FANCC: variants seen among roughly 807,000 people sequenced by gnomAD.
FANCC encodes the protein Fanconi anemia group C protein.
A neutral mutation model predicts 71.3 loss-of-function variants in FANCC; 55 were observed. The ratio of observed to expected loss-of-function variants is 0.77; its 90% CI spans 0.62 to 0.97. The LOEUF (loss-of-function observed/expected upper bound fraction) is 0.97, where lower values mean the gene tolerates loss of function less well. Ranked by LOEUF, FANCC falls within the 50% of genes least tolerant of loss-of-function variation. FANCC has a pLI of 0.00. For synonymous variants in FANCC, 275 were observed against 244.9 expected, an observed-to-expected ratio of 1.12 and a Z score of -1.15; for missense variants, 678 against 670.9, an observed-to-expected ratio of 1.01 and a Z score of -0.12.
chr9:95,101,358 A>AAAT lies in FANCC; in HGVS notation c.*346_*348dup. 1 of 389,556 alleles carries AAAT rather than the reference A, an allele frequency of 2.6e-6. No individual in the cohort carries two copies. The highest frequency in any genetic ancestry group is 4.8e-6 in the Non-Finnish European group (1 of 210,268). The allele number at this position is 389,556 out of a possible 1,614,324, so 24.1% of individuals were successfully genotyped here. A position where few individuals can be genotyped will look rare whatever the true frequency, so the allele number is the denominator to read the frequency against. On this transcript the variant is annotated 3_prime_UTR_variant, in exon 15 of 15. Transcript: ENST00000289081. ...CTTGGTTCTAAGACTTTGAATTTTT[A>AAAT]AATAATAGATGTGCAGCTTGACTTG...
chr9:95,217,579 T>A (rs1828953318), intron 4 of FANCC, among the ~76,000 whole-genome samples: 1 of 151,966 alleles, frequency 6.6e-6, no homozygotes, highest in Non-Finnish European at 1.5e-5. Context: ...TAAATTTAAA[T>A]AAAAACACAA....
chr9:95,298,598 G>A (rs1834538729), intron 1 of FANCC, among the ~76,000 whole-genome samples: 2 of 152,190 alleles, frequency 1.3e-5, no homozygotes, highest in Non-Finnish European at 2.9e-5. Flanking sequence ...GCTGGCCTGT[G>A]AACATTCAAT....
At chr9:95,278,968 T>G (rs989512409) in intron 1 of FANCC, among the ~76,000 whole-genome samples, 1 of 152,036 alleles carries the variant, frequency 6.6e-6, no homozygotes, top group African/African-American at 2.4e-5. Context: ...GAAGGATCAC[T>G]TGAGCCCAGG....
chr9:95,302,368 G>A (rs1162452514), intron 1 of FANCC, among the ~76,000 whole-genome samples: 6 of 152,120 alleles, frequency 3.9e-5, no homozygotes, highest in Non-Finnish European at 7.4e-5. Flanking sequence ...CAAATGATGT[G>A]AAATTTCTGA....
chr9:95,246,337 A>G (rs1450365804), intron 3 of FANCC, among the ~76,000 whole-genome samples: 1 of 152,236 alleles, frequency 6.6e-6, no homozygotes, highest in East Asian at 1.9e-4. Context: ...CTAAACACAC[A>G]TATTGTCCCT....
chr9:95,116,096 A>G (rs1027417706), intron 11 of FANCC, among the ~76,000 whole-genome samples: 1 of 152,236 alleles, frequency 6.6e-6, no homozygotes, highest in Non-Finnish European at 1.5e-5. Flanking sequence ...AGTTACACAA[A>G]CGGAAAGGTA....
chr9:95,210,546 T>C (rs1298425986), intron 4 of FANCC, among the ~76,000 whole-genome samples: 2 of 152,168 alleles, frequency 1.3e-5, no homozygotes, highest in Non-Finnish European at 2.9e-5. Flanking sequence ...ATACACACTA[T>C]ATATAATCAC....
At position 95,107,239 on chromosome 9, in the gene FANCC, G is replaced by A. The variant is rs2134456371; in HGVS notation, c.1360C>T (p.Leu454=). 1 of 1,614,142 alleles carries A rather than the reference G, an allele frequency of 6.2e-7. No individual in the cohort carries two copies. Residue 454 remains leucine, a synonymous_variant, in exon 14 of 15, where the codon CTG becomes TTG. Coordinates refer to ENST00000289081, the MANE Select transcript of FANCC (RefSeq NM_000136.3). ...AGGCTGCTGCTTCTGGACATTGCCA[G>A]GAGGTGGCCCAGCACGGCCTTCACC... is the stretch of plus-strand genomic sequence containing the variant. ...VQVKAVLGHL[L]AMSRSSSLSA...
intron 4 of FANCC, among the ~76,000 whole-genome samples, chr9:95,240,235 C>T (rs1830560457): frequency 6.6e-6 from 1 of 152,200 alleles, no homozygotes; most frequent in African/African-American, 2.4e-5. Flanking sequence ...GCTGCTCCCG[C>T]CGCACTGCTG....
chr9:95,249,504 TG>T (rs1265046729), intron 1 of FANCC, 135 bp from the exon 2 acceptor site: 2 of 575,786 alleles, frequency 3.5e-6, no homozygotes, highest in African/African-American at 3.7e-5. Context: ...ATCTTTGAAT[TG>T]TTATAAAATA....
chr9:95,121,913 AG>A (rs2072914702), intron 10 of FANCC, among the ~76,000 whole-genome samples: 1 of 148,596 alleles, frequency 6.7e-6, no homozygotes, highest in South Asian at 2.1e-4. Flanking sequence ...GCTGGAGTGC[AG>A]TGGCGCAATC....
intron 3 of FANCC, among the ~76,000 whole-genome samples, chr9:95,244,640 C>T (rs559762614): frequency 1.2e-3 from 165 of 134,792 alleles, no homozygotes; most frequent in Non-Finnish European, 2.1e-3. Context: ...GATCACGCCA[C>T]TGCACTCCAG....
chr9:95,107,359 C>G, intron 13 of FANCC, 90 bp from the exon 14 acceptor site: 1 of 1,417,664 alleles, frequency 7.1e-7, no homozygotes, highest in South Asian at 1.2e-5. Flanking sequence ...AAACAACCCC[C>G]AGAAACGGGT....
At chr9:95,247,565 G>A in intron 2 of FANCC, 49 bp from the exon 3 acceptor site, 1 of 1,171,028 alleles carries the variant, frequency 8.5e-7, no homozygotes, top group South Asian at 1.2e-5. Flanking sequence ...ATGCAACTTA[G>A]AAATACTGAA....
chr9:95,134,832 A>G (rs1827430972), intron 8 of FANCC, among the ~76,000 whole-genome samples: 1 of 152,192 alleles, frequency 6.6e-6, no homozygotes, highest in Non-Finnish European at 1.5e-5. Context: ...GAAGGGAGCC[A>G]GGCGCCACCG....
At chr9:95,224,722 T>A (rs1829508239) in intron 4 of FANCC, among the ~76,000 whole-genome samples, 1 of 152,292 alleles carries the variant, frequency 6.6e-6, no homozygotes, top group South Asian at 2.1e-4. Flanking sequence ...TATTTTTTTT[T>A]AATATATAGG....
intron 6 of FANCC, among the ~76,000 whole-genome samples, chr9:95,162,151 G>A (rs977169430): frequency 6.6e-6 from 1 of 152,000 alleles, no homozygotes; most frequent in African/African-American, 2.4e-5. Flanking sequence ...CTTAGCTTCT[G>A]TTTCTACAAG....
intron 4 of FANCC, among the ~76,000 whole-genome samples, chr9:95,181,159 TTGTGTGTGTGTGTG>T (rs10692344): frequency 6.1e-5 from 9 of 148,444 alleles, no homozygotes; most frequent in African/African-American, 9.9e-5. Context: ...CACGTACACA[TTGTGTGTGTGTGTG>T]TGTGTGTGTG....
chr9:95,253,885 C>T (rs1014388567), intron 1 of FANCC, among the ~76,000 whole-genome samples: 3 of 152,244 alleles, frequency 2.0e-5, no homozygotes, highest in Admixed American at 2.0e-4. Context: ...ATGGAGCGTG[C>T]AACCTAGATC....
Sources: gnomAD v4.1 joint callset for allele counts (sites outside exome capture counted in the v4.1 genomes callset) on GRCh38, gnomAD v4.1.1 for gene constraint, MANE v1.5 for transcripts, NCBI Gene and HGNC (gene_info 2026-07-23, HGNC 2026-07-21) for gene names.